The following ARHGEF7 variants were observed in gnomAD, a reference collection of about 807,000 sequenced individuals.
ARHGEF7 encodes PAK-interacting exchange factor beta.
In ARHGEF7, 33 loss-of-function variants were observed where a neutral mutation model predicts 109.8. The observed-to-expected ratio is 0.30, with a 90% CI of 0.23 to 0.40. The LOEUF is 0.40. Ranked by LOEUF, ARHGEF7 falls within the 10% of genes least tolerant of loss-of-function variation. ARHGEF7 has a pLI of 1.00. For synonymous variants in ARHGEF7, 458 were observed against 424.6 expected (o/e 1.08, Z -0.97); for missense variants, 938 against 1,098.5 (o/e 0.85, Z 2.07).
In ARHGEF7 at chr13:111,233,281, C is replaced by A; in HGVS notation, c.747C>A (p.Ser249Arg). The change falls in exon 6 of 22, where the codon AGC (serine) becomes AGA (arginine). Residue 249 changes from serine (S) to arginine (R), a missense_variant. Physicochemically the swap from Ser to Arg is moderately radical, Grantham distance 110. This residue lies in a region of ARHGEF7 where 585 missense variants were observed against 723.6 expected (regional missense o/e 0.81). Coordinates refer to ENST00000646102, the MANE Select transcript of ARHGEF7 (RefSeq NM_001354046.2). Reference sequence around the variant, plus strand: ...TTGATACGACTGCCATAAACAAAAGCTATTACAATGTGGTGAGTAATTGCA... The same window carrying A: ...TTGATACGACTGCCATAAACAAAAGATATTACAATGTGGTGAGTAATTGCA... ...KGFDTTAINKSYYNVVLQNIL... is the reference protein window; with the variant it reads ...KGFDTTAINKRYYNVVLQNIL... 1.2e-6 allele frequency: 2 copies of A among 1,613,764 alleles called. No homozygotes were observed. The highest frequency in any genetic ancestry group is 8.5e-7 in the Non-Finnish European group (1 of 1,179,676).
At chr13:111,292,039 GT>G in intron 18 of ARHGEF7, 78 bp from the exon 19 acceptor site, 1 of 1,228,806 alleles carries the variant, frequency 8.1e-7, no homozygotes, top group South Asian at 1.3e-5. Context: ...TTTGTTCCAT[GT>G]TTTGGTTGTG....
intron 1 of ARHGEF7, among the ~76,000 whole-genome samples, chr13:111,136,664 C>G (rs563954657): frequency 1.3e-5 from 2 of 152,166 alleles, no homozygotes; most frequent in Non-Finnish European, 2.9e-5. Flanking sequence ...AACTGACACC[C>G]TAACATCACA....
Position 111,239,478 on chromosome 13 carries a change from G to T in ARHGEF7, c.760-4394G>T, listed in dbSNP as rs536632933. Among the ~76,000 whole-genome samples, 1 of 152,226 alleles carries T rather than the reference G, an allele frequency of 6.6e-6. No homozygotes were observed. Among genetic ancestry groups the T allele is most frequent in the Admixed American group, 6.5e-5 (1 of 15,304 alleles). On this transcript the variant is annotated intron_variant, in intron 6 of 21. Transcript: ENST00000646102. This position sits in a 1 kb window ranked among gnomAD's most constrained non-coding sequence, Gnocchi z 4.3. ...CAAGGAGGAAAACCTGAGCCTCCTG[G>T]TGACAGGGTGTCTTCGGTCTCCATC...
intron 2 of ARHGEF7, among the ~76,000 whole-genome samples, chr13:111,192,714 C>T (rs1431375401): frequency 2.0e-5 from 3 of 152,144 alleles, no homozygotes; most frequent in African/African-American, 2.4e-5. Flanking sequence ...CCCTAGCGCC[C>T]TGGAAGGGTA....
chr13:111,160,444 A>G (rs1411673616), intron 2 of ARHGEF7, among the ~76,000 whole-genome samples: 1 of 151,718 alleles, frequency 6.6e-6, no homozygotes, highest in Admixed American at 6.6e-5. Context: ...ATCACCTTGG[A>G]TGTTTTAACA....
At chr13:111,169,309 T>C (rs928157994) in intron 2 of ARHGEF7, among the ~76,000 whole-genome samples, 1 of 152,176 alleles carries the variant, frequency 6.6e-6, no homozygotes, top group Non-Finnish European at 1.5e-5. Flanking sequence ...TTTAATGGGC[T>C]CATGGTTCCA....
At chr13:111,250,872 G>A (rs1349246016) in intron 8 of ARHGEF7, among the ~76,000 whole-genome samples, 1 of 152,212 alleles carries the variant, frequency 6.6e-6, no homozygotes, top group African/African-American at 2.4e-5. Flanking sequence ...TGTAGGGTAA[G>A]GGATGGGAGC....
intron 1 of ARHGEF7, among the ~76,000 whole-genome samples, chr13:111,120,930 G>A (rs1010225519): frequency 1.3e-5 from 2 of 152,220 alleles, no homozygotes; most frequent in African/African-American, 4.8e-5. Context: ...TGGAAAACAA[G>A]ACTGATTCTG....
chr13:111,267,153 G>T (rs566424582), intron 8 of ARHGEF7, among the ~76,000 whole-genome samples: 4 of 152,210 alleles, frequency 2.6e-5, no homozygotes, highest in African/African-American at 9.6e-5. Context: ...GGCGGTTTTT[G>T]TATTTTTTGT....
intron 2 of ARHGEF7, among the ~76,000 whole-genome samples, chr13:111,189,478 C>T (rs902533047): frequency 2.6e-5 from 4 of 152,082 alleles, no homozygotes; most frequent in Non-Finnish European, 5.9e-5. Flanking sequence ...AGAGTAGGTT[C>T]GTGGTCTTGC....
At chr13:111,267,342 C>G (rs1156441390) in intron 8 of ARHGEF7, among the ~76,000 whole-genome samples, 1 of 151,974 alleles carries the variant, frequency 6.6e-6, no homozygotes, top group Admixed American at 6.5e-5. Context: ...CTGGAGAGGA[C>G]CTGGCAGCAC....
At chr13:111,137,220 G>A (rs1003529946) in intron 1 of ARHGEF7, among the ~76,000 whole-genome samples, 1 of 152,260 alleles carries the variant, frequency 6.6e-6, no homozygotes, top group Admixed American at 6.5e-5. Flanking sequence ...ATGGAAAAGA[G>A]AGAATCCTCC....
At chr13:111,116,145 A>G (rs983320597) in intron 1 of ARHGEF7, among the ~76,000 whole-genome samples, 2 of 127,638 alleles carry the variant, frequency 1.6e-5, no homozygotes, top group Non-Finnish European at 3.5e-5. Flanking sequence ...AGGTTAATTG[A>G]CCGGTTGCTC....
At chr13:111,169,824 G>A (rs1448368260) in intron 2 of ARHGEF7, among the ~76,000 whole-genome samples, 1 of 152,192 alleles carries the variant, frequency 6.6e-6, no homozygotes, top group African/African-American at 2.4e-5. Context: ...GGTGAGTAAG[G>A]GAGGAGGGGC....
At chr13:111,172,460 C>T (rs2077696178) in intron 2 of ARHGEF7, among the ~76,000 whole-genome samples, 1 of 152,186 alleles carries the variant, frequency 6.6e-6, no homozygotes, top group Non-Finnish European at 1.5e-5. Context: ...CGTGGTGGTG[C>T]CGCTCTCTAA....
At chr13:111,168,435 C>T (rs1236427070) in intron 2 of ARHGEF7, among the ~76,000 whole-genome samples, 5 of 152,118 alleles carry the variant, frequency 3.3e-5, no homozygotes, top group African/African-American at 7.2e-5. Flanking sequence ...AGGATAAACA[C>T]GAGTGGAGAG....
At chr13:111,144,260 T>G (rs2075481757) in intron 1 of ARHGEF7, 1 of 152,198 alleles carries the variant, frequency 6.6e-6, no homozygotes, top group Non-Finnish European at 1.5e-5. Context: ...TCATTTAGAG[T>G]TGGGCTTTGG....
chr13:111,257,778 G>T (rs148406148), intron 8 of ARHGEF7, among the ~76,000 whole-genome samples: 1 of 152,248 alleles, frequency 6.6e-6, no homozygotes, highest in Non-Finnish European at 1.5e-5. Context: ...ACTTCGGAGA[G>T]GGGGAGGGCT....
intron 8 of ARHGEF7, among the ~76,000 whole-genome samples, chr13:111,248,774 G>A (rs1393234869): frequency 6.6e-6 from 1 of 152,102 alleles, no homozygotes; most frequent in Non-Finnish European, 1.5e-5. Flanking sequence ...ATATCCTTTA[G>A]CAATAATTAG....
Sources: allele counts gnomAD v4.1 joint callset (sites outside exome capture counted in the v4.1 genomes callset), GRCh38; gene constraint gnomAD v4.1.1; regional missense constraint gnomAD v4.1.1; non-coding constraint Gnocchi (gnomAD v3.1); transcripts MANE v1.5; gene names NCBI Gene and HGNC (gene_info 2026-07-23, HGNC 2026-07-21).